MCC: variants seen among roughly 807,000 people sequenced by gnomAD.
The protein encoded by MCC is colorectal mutant cancer protein.
A neutral mutation model predicts 116.2 loss-of-function variants in MCC; 90 were observed. The observed-to-expected ratio is 0.77, with a 90% CI of 0.65 to 0.92. The LOEUF is 0.92. Among genes scored for constraint, MCC ranks in the 40% least tolerant of loss-of-function variants. The probability of loss-of-function intolerance (pLI) is 0.00; values close to 1 mark genes in which losing one functional copy is unlikely to be tolerated. For synonymous variants in MCC, 578 were observed against 510.5 expected (o/e 1.13, Z -1.78); for missense variants, 1,516 against 1,312.2 (o/e 1.16, Z -2.40).
At chr5:113,027,630 T>G in intron 18 of MCC, 148 bp from the exon 19 acceptor site, 1 of 765,514 alleles carries the variant, frequency 1.3e-6, no homozygotes, top group Non-Finnish European at 2.1e-6. Flanking sequence ...AATCTAGTGG[T>G]CAGAGGAGGG....
chr5:113,289,384 G>T (rs897632356), intron 3 of MCC, among the ~76,000 whole-genome samples: 3 of 151,818 alleles, frequency 2.0e-5, no homozygotes, highest in African/African-American at 7.3e-5. Context: ...TTTGGACAAG[G>T]CTCTGTCATT....
chr5:113,431,535 A>G (rs1770644525), intron 1 of MCC, among the ~76,000 whole-genome samples: 1 of 152,166 alleles, frequency 6.6e-6, no homozygotes, highest in Non-Finnish European at 1.5e-5. Context: ...GGGCTAGGAC[A>G]TCTACATATA....
chr5:113,046,258 C>G (rs1451295803), intron 16 of MCC, among the ~76,000 whole-genome samples: 1 of 151,798 alleles, frequency 6.6e-6, no homozygotes, highest in Non-Finnish European at 1.5e-5. Context: ...GGCTGCACGA[C>G]CTTGGGTCAC....
chr5:113,186,261 G>C (rs995448155), intron 3 of MCC, among the ~76,000 whole-genome samples: 1 of 152,190 alleles, frequency 6.6e-6, no homozygotes, highest in African/African-American at 2.4e-5. Context: ...GGCAGGGGAC[G>C]TGCCAGCAGG....
intron 11 of MCC, among the ~76,000 whole-genome samples, chr5:113,075,496 C>A (rs1580997857): frequency 6.6e-6 from 1 of 152,224 alleles, no homozygotes. Flanking sequence ...GCCAGCTGGG[C>A]TCTTGAGTCG....
intron 4 of MCC, among the ~76,000 whole-genome samples, chr5:113,145,601 C>T (rs1759447149): frequency 6.6e-6 from 1 of 152,118 alleles, no homozygotes; most frequent in African/African-American, 2.4e-5. Context: ...CAATAAAAAC[C>T]ACCAAAAGAC....
chr5:113,063,764 G>A lies in MCC; in HGVS notation c.2213+220C>T, dbSNP rs79079851. ...TTCCACAGCAAATCTCTCCAATCTC[G>A]ACTGCAGTTTCCACATTGGCAAAGT... is the stretch of plus-strand genomic sequence containing the variant. On this transcript the variant is annotated intron_variant, in intron 14 of 18. Coordinates refer to ENST00000408903, the MANE Select transcript of MCC (RefSeq NM_001085377.2). Among the ~76,000 whole-genome samples the A allele has an allele frequency of 8.1e-3, 1,233 of 152,320 alleles. 41 individuals are homozygous for A. The highest frequency in any genetic ancestry group is 0.061 in the Admixed American group (938 of 15,304).
At chr5:113,221,016 AGCATG>A (rs1371462914) in intron 3 of MCC, among the ~76,000 whole-genome samples, 1 of 152,214 alleles carries the variant, frequency 6.6e-6, no homozygotes, top group Non-Finnish European at 1.5e-5. Flanking sequence ...CAGCCTGGGC[AGCATG>A]GCAAAACCAT....
chr5:113,083,323 T>G (rs917588055), intron 10 of MCC, among the ~76,000 whole-genome samples: 1 of 152,160 alleles, frequency 6.6e-6, no homozygotes, highest in Admixed American at 6.5e-5. Context: ...AGTCAGGATT[T>G]CTTTCCCCTA....
intron 11 of MCC, among the ~76,000 whole-genome samples, chr5:113,075,490 G>A (rs1754374209): frequency 6.6e-6 from 1 of 152,248 alleles, no homozygotes; most frequent in South Asian, 2.1e-4. Flanking sequence ...GGTGAAGCCA[G>A]CTGGGCTCTT....
intron 1 of MCC, chr5:113,435,780 G>T (rs1770838954): frequency 6.6e-6 from 1 of 152,478 alleles, no homozygotes; most frequent in Non-Finnish European, 1.5e-5. Context: ...CTCCCTCCTG[G>T]GGACCTGCCC....
At chr5:113,143,461 T>C (rs1415406892) in intron 4 of MCC, 101 bp from the exon 5 acceptor site, 39 of 1,222,290 alleles carry the variant, frequency 3.2e-5, no homozygotes, top group Non-Finnish European at 4.3e-5. Flanking sequence ...CTGCCAACAC[T>C]GAGTATGCCC....
chr5:113,344,143 G>A (rs536207442), intron 2 of MCC, among the ~76,000 whole-genome samples: 1 of 152,274 alleles, frequency 6.6e-6, no homozygotes, highest in Admixed American at 6.5e-5. Flanking sequence ...CAGCAAGTGG[G>A]GGACTTGGCA....
At chr5:113,113,516 T>C (rs1439907711) in intron 6 of MCC, among the ~76,000 whole-genome samples, 1 of 152,112 alleles carries the variant, frequency 6.6e-6, no homozygotes, top group African/African-American at 2.4e-5. Flanking sequence ...TCTGTCTACC[T>C]AAGACAAGAG....
At chr5:113,206,816 G>A (rs1475863698) in intron 3 of MCC, among the ~76,000 whole-genome samples, 3 of 152,134 alleles carry the variant, frequency 2.0e-5, no homozygotes, top group Non-Finnish European at 4.4e-5. Flanking sequence ...TGAATCCTTC[G>A]TAATATTTGT....
chr5:113,053,321 A>G (rs10075306), intron 15 of MCC, among the ~76,000 whole-genome samples: 6,239 of 152,276 alleles, frequency 0.041, 445 homozygotes, highest in African/African-American at 0.14. Context: ...GCTCTCGGCC[A>G]AACTCTACAA....
intron 3 of MCC, among the ~76,000 whole-genome samples, chr5:113,256,484 CAT>C: frequency 6.6e-6 from 1 of 152,136 alleles, no homozygotes; most frequent in East Asian, 1.9e-4. Context: ...AAAAATAAAA[CAT>C]AGCTGGAGTG....
chr5:113,464,101 C>T (rs1733291850), intron 1 of MCC, among the ~76,000 whole-genome samples: 1 of 96,534 alleles, frequency 1.0e-5, no homozygotes, highest in Non-Finnish European at 2.2e-5. Flanking sequence ...CACTAGTGAC[C>T]TTAGCATTGA....
chr5:113,331,590 A>T (rs1177869409), intron 3 of MCC, among the ~76,000 whole-genome samples: 1 of 150,500 alleles, frequency 6.6e-6, no homozygotes, highest in East Asian at 2.0e-4. Flanking sequence ...AGAAATTATT[A>T]TTTTTTTCAT....
Sources: gnomAD v4.1 joint callset for allele counts (sites outside exome capture counted in the v4.1 genomes callset) on GRCh38, gnomAD v4.1.1 for gene constraint, MANE v1.5 for transcripts, NCBI Gene and HGNC (gene_info 2026-07-23, HGNC 2026-07-21) for gene names.